NT5C2: variants seen among roughly 807,000 people sequenced by gnomAD.
NT5C2 encodes cytosolic purine 5'-nucleotidase.
A neutral mutation model predicts 76.1 loss-of-function variants in NT5C2; 58 were observed. That is an observed-to-expected ratio of 0.76 (90% confidence interval 0.62 to 0.95). The LOEUF (loss-of-function observed/expected upper bound fraction) is 0.95, where lower values mean the gene tolerates loss of function less well. Among genes scored for constraint, NT5C2 ranks in the 40% least tolerant of loss-of-function variants. The probability of loss-of-function intolerance (pLI) is 0.00; values close to 1 mark genes in which losing one functional copy is unlikely to be tolerated. For missense variants in NT5C2, 478 were observed against 690.3 expected (o/e 0.69, Z 3.45); for synonymous variants, 229 against 237.4 (o/e 0.96, Z 0.32).
At chr10:103,151,464 TAAAA>T (rs371652593) in intron 3 of NT5C2, among the ~76,000 whole-genome samples, 2 of 139,104 alleles carry the variant, frequency 1.4e-5, no homozygotes, top group Non-Finnish European at 3.1e-5. Context: ...AACCTGTTCT[TAAAA>T]AAAAAAAAAA....
At chr10:103,133,804 C>A (rs1395365085) in intron 4 of NT5C2, among the ~76,000 whole-genome samples, 5 of 152,108 alleles carry the variant, frequency 3.3e-5, no homozygotes, top group Non-Finnish European at 7.4e-5. Context: ...ATGGCTTTGA[C>A]AAAAATATTG....
chr10:103,094,796 C>T (rs549344484), intron 12 of NT5C2, among the ~76,000 whole-genome samples: 4 of 151,246 alleles, frequency 2.6e-5, no homozygotes, highest in East Asian at 2.0e-4. Flanking sequence ...GCTCGAGAAT[C>T]GCTTGAACCT....
At chr10:103,146,794 T>C (rs1260639223) in intron 3 of NT5C2, among the ~76,000 whole-genome samples, 1 of 152,222 alleles carries the variant, frequency 6.6e-6, no homozygotes, top group Admixed American at 6.5e-5. Flanking sequence ...GCTAACAACA[T>C]GTCCAGGTCC....
chr10:103,155,850 C>T (rs1353887011), intron 3 of NT5C2, among the ~76,000 whole-genome samples: 2 of 152,064 alleles, frequency 1.3e-5, no homozygotes, highest in Non-Finnish European at 2.9e-5. Context: ...AGGATCTAAG[C>T]AGGATTATAA....
chr10:103,092,791 G>C (rs951767706), intron 15 of NT5C2, among the ~76,000 whole-genome samples: 1 of 152,198 alleles, frequency 6.6e-6, no homozygotes, highest in African/African-American at 2.4e-5. Context: ...TGTTAGCAGA[G>C]AGACTGGGAC....
At chr10:103,094,880 C>CA (rs35752695) in intron 12 of NT5C2, among the ~76,000 whole-genome samples, 101,642 of 136,680 alleles carry the variant, frequency 0.74, 39,186 homozygotes, top group East Asian at 0.87. Context: ...GACTCCATCT[C>CA]AAAAAAAAAA....
At chr10:103,189,394 T>C (rs994323658) in intron 1 of NT5C2, among the ~76,000 whole-genome samples, 2 of 151,834 alleles carry the variant, frequency 1.3e-5, no homozygotes, top group Non-Finnish European at 2.9e-5. Context: ...GATCATGAGG[T>C]AAAGAGATTG....
chr10:103,191,957 CTT>C (rs528278756), intron 1 of NT5C2, among the ~76,000 whole-genome samples: 4 of 143,718 alleles, frequency 2.8e-5, no homozygotes, highest in South Asian at 2.2e-4. Flanking sequence ...CTTTTTTGTT[CTT>C]TTTTTTTTTT....
chr10:103,096,750 G>T (rs976047258), intron 11 of NT5C2, among the ~76,000 whole-genome samples: 6 of 149,690 alleles, frequency 4.0e-5, no homozygotes, highest in African/African-American at 1.5e-4. Context: ...GGAGGCTGAG[G>T]CAGGAGAATT....
Position 103,099,829 on chromosome 10 carries a change from T to A in NT5C2, c.633+97A>T, listed in dbSNP as rs1020484079. On this transcript the variant is annotated intron_variant, in intron 9 of 18. Transcript: ENST00000404739. ...GGGGGCAAATCTGTTTTTTCTTTTT[T>A]TAAAAAAAGAAATATTCTGCTCCAT... 1.3e-5 allele frequency: 10 copies of A among 764,054 alleles called. No individual in the cohort carries two copies. In the African/African-American group the frequency reaches 1.8e-4, roughly 14 times the overall value. 47.3% of individuals were successfully genotyped at this position (764,054 alleles called of 1,614,324 possible). A position where few individuals can be genotyped will look rare whatever the true frequency, so the allele number is the denominator to read the frequency against.
chr10:103,138,962 G>A (rs764933137), intron 4 of NT5C2, among the ~76,000 whole-genome samples: 7 of 151,942 alleles, frequency 4.6e-5, no homozygotes, highest in Admixed American at 2.6e-4. Flanking sequence ...AGCCAAGATC[G>A]CGCCATTGCA....
rs759820618 is a variant in NT5C2 at position 103,106,680 on chromosome 10, G to C, written c.202C>G (p.Leu68Val). 6.2e-7 allele frequency: 1 copy of C among 1,612,830 alleles called. No individual in the cohort carries two copies. The highest frequency in any genetic ancestry group is 1.1e-5 in the South Asian group (1 of 91,054). Residue 68 changes from leucine to valine, a missense_variant, in exon 5 of 19, where the codon CTT (leucine) becomes GTT (valine). Leu to Val is a conservative substitution (Grantham distance 32). Transcript: ENST00000404739. ...AVYKSPEYES[L>V]GFELTVERLV... ...CTCTCCACAGTAAGCTCAAAACCAA[G>C]GGACTCATACTCTGGGGACTTGTAC...
chr10:103,105,431 AACT>A, intron 6 of NT5C2: 1 of 742,030 alleles, frequency 1.3e-6, no homozygotes, highest in Non-Finnish European at 1.9e-6. Context: ...AATAAGTCAA[AACT>A]ACTAAAGTTC....
chr10:103,169,214 C>G (rs1011122472), intron 3 of NT5C2: 1 of 152,096 alleles, frequency 6.6e-6, no homozygotes, highest in Admixed American at 6.6e-5. Flanking sequence ...TCCATATCAA[C>G]TTGTACACCA....
intron 4 of NT5C2, among the ~76,000 whole-genome samples, chr10:103,136,535 G>A (rs2079275757): frequency 6.6e-6 from 1 of 151,924 alleles, no homozygotes; most frequent in South Asian, 2.1e-4. Context: ...TGTAGACTAG[G>A]AGAAAGCATT....
chr10:103,180,569 G>A (rs1218463351), intron 2 of NT5C2, among the ~76,000 whole-genome samples: 2 of 151,994 alleles, frequency 1.3e-5, no homozygotes, highest in African/African-American at 2.4e-5. Context: ...CAGTCTTTAC[G>A]AAAATTGAAA....
intron 3 of NT5C2, among the ~76,000 whole-genome samples, chr10:103,161,665 T>C (rs1422796318): frequency 1.3e-5 from 2 of 152,082 alleles, no homozygotes; most frequent in South Asian, 2.1e-4. Context: ...GTGAGGCTTC[T>C]GTGAGCTATG....
chr10:103,170,291 C>T (rs2087577652), intron 3 of NT5C2, among the ~76,000 whole-genome samples: 1 of 152,220 alleles, frequency 6.6e-6, no homozygotes, highest in East Asian at 1.9e-4. Flanking sequence ...GCCTAGGCAA[C>T]AGAATGAGAC....
intron 4 of NT5C2, among the ~76,000 whole-genome samples, chr10:103,132,086 A>G (rs2078286000): frequency 6.6e-6 from 1 of 152,042 alleles, no homozygotes; most frequent in Non-Finnish European, 1.5e-5. Context: ...ACTAAATACA[A>G]GAAATTAGCT....
Sources: gnomAD v4.1 joint callset for allele counts (sites outside exome capture counted in the v4.1 genomes callset) on GRCh38, gnomAD v4.1.1 for gene constraint, MANE v1.5 for transcripts, NCBI Gene and HGNC (gene_info 2026-07-23, HGNC 2026-07-21) for gene names.